The following POMC variants were observed in gnomAD, a reference collection of about 807,000 sequenced individuals.
POMC encodes proopiomelanocortin.
POMC carries 19 observed loss-of-function variants against 18.5 expected under a neutral mutation model. The observed-to-expected ratio is 1.03, with a 90% CI of 0.72 to 1.51. POMC has a LOEUF of 1.51. Ranked by LOEUF, POMC falls within the 40% of genes most tolerant of loss-of-function variation. The probability of loss-of-function intolerance (pLI) is 0.00; values close to 1 mark genes in which losing one functional copy is unlikely to be tolerated. For missense variants in POMC, 451 were observed against 379.0 expected, an observed-to-expected ratio of 1.19 and a Z score of -1.58; for synonymous variants, 179 against 161.9, an observed-to-expected ratio of 1.11 and a Z score of -0.80.
chr2:25,161,162 C>G lies in POMC; in HGVS notation c.723G>C (p.Met241Ile). The change falls in exon 3 of 3, where the codon ATG (methionine) becomes ATC (isoleucine). Residue 241 changes from methionine (M) to isoleucine (I), a missense_variant. Met to Ile is a conservative substitution (Grantham distance 10, BLOSUM62 1). Transcript: ENST00000395826. The surrounding 1 kb of genome is among the most constrained non-coding windows in gnomAD (Gnocchi z 5.7). ...GGGGCGTCTGGCTCTTCTCGGAGGT[C>G]ATGAAACCGCCGTAGCGCTTGTCCT... is the stretch of plus-strand genomic sequence containing the variant. ...PPKDKRYGGF[M>I]TSEKSQTPLV... 1 of 1,613,916 alleles carries G rather than the reference C, an allele frequency of 6.2e-7. No individual in the cohort carries two copies. Among genetic ancestry groups the G allele is most frequent in the Non-Finnish European group, 8.5e-7 (1 of 1,179,986 alleles).
Position 25,161,847 on chromosome 2 carries a change from G to C in POMC, c.133-95C>G. The C allele has an allele frequency of 6.8e-7, 1 of 1,460,298 alleles. No homozygotes were observed. Among genetic ancestry groups the C allele is most frequent in the Non-Finnish European group, 9.0e-7 (1 of 1,111,848 alleles). 90.5% of individuals were successfully genotyped at this position (1,460,298 alleles called of 1,614,324 possible). A position where few individuals can be genotyped will look rare whatever the true frequency, so the allele number is the denominator to read the frequency against. ...CTGCGCCTAGGCCCTGGCCGCCCTCGCCACGTGCCGAGGACACAGGGCACA... is the reference window on the plus strand; with the variant it reads ...CTGCGCCTAGGCCCTGGCCGCCCTCCCCACGTGCCGAGGACACAGGGCACA... On this transcript the variant is annotated intron_variant, in intron 2 of 2. Transcript: ENST00000395826. The surrounding 1 kb of genome is among the most constrained non-coding windows in gnomAD (Gnocchi z 5.7).
At chr2:25,164,368 C>T (rs950303618) in intron 2 of POMC, among the ~76,000 whole-genome samples, 10 of 152,122 alleles carry the variant, frequency 6.6e-5, no homozygotes, top group Non-Finnish European at 1.2e-4. Context: ...CCATCTCTAG[C>T]TTAAAGGGTT....
Position 25,161,752 on chromosome 2 carries a change from C to T in POMC, c.133G>A (p.Glu45Lys). The T allele has an allele frequency of 6.3e-7, 1 of 1,591,726 alleles. No homozygotes were observed. The highest frequency in any genetic ancestry group is 8.5e-7 in the Non-Finnish European group (1 of 1,170,396). Residue 45 changes from glutamate (E) to lysine (K), a missense_variant and splice_region_variant, in exon 3 of 3, where the codon GAG becomes AAG. By Grantham distance (56) the Glu-to-Lys change is moderately conservative. Transcript: ENST00000395826. This position sits in a 1 kb window ranked among gnomAD's most constrained non-coding sequence, Gnocchi z 5.7. The part of the protein sequence containing the change: ...QDLTTESNLL[E>K]CIRACKPDLS... Reference sequence around the variant, plus strand: ...TCGGGCTTGCAGGCCCGGATGCACTCCTGGGGGAAGACGCGAGGGCATGAG... The same window carrying T: ...TCGGGCTTGCAGGCCCGGATGCACTTCTGGGGGAAGACGCGAGGGCATGAG...
In POMC at chr2:25,168,096, G is replaced by A. The variant is rs1437323902; in HGVS notation, c.-21+402C>T. On this transcript the variant is annotated intron_variant, in intron 1 of 2. Coordinates refer to ENST00000395826, the MANE Select transcript of POMC (RefSeq NM_000939.4). This position sits in a 1 kb window ranked among gnomAD's most constrained non-coding sequence, Gnocchi z 5.2. ...TTGAACCCGGGAGGCGAAGGTTGCGGTGAGCAGAGATCACCCCTTTGCTCT... is the reference window on the plus strand; with the variant it reads ...TTGAACCCGGGAGGCGAAGGTTGCGATGAGCAGAGATCACCCCTTTGCTCT... Among the ~76,000 whole-genome samples, 3 of 151,400 alleles carry A rather than the reference G, an allele frequency of 2.0e-5. No homozygotes were observed. Among genetic ancestry groups the A allele is most frequent in the Non-Finnish European group, 2.9e-5 (2 of 67,958 alleles).
Position 25,164,748 on chromosome 2 carries a change from A to C in POMC, c.25T>G (p.Ser9Ala). Residue 9 changes from serine to alanine, a missense_variant, in exon 2 of 3, where the codon TCG becomes GCG. Physicochemically the swap from Ser to Ala is moderately conservative, Grantham distance 99. Coordinates refer to ENST00000395826, the MANE Select transcript of POMC (RefSeq NM_000939.4). Reference sequence around the variant, plus strand: ...AGCAAGGCCAGCAACAGGGCCCCCGAGCGGCTGCAGCACGATCTCGGCATC... The same window carrying C: ...AGCAAGGCCAGCAACAGGGCCCCCGCGCGGCTGCAGCACGATCTCGGCATC... The part of the protein sequence containing the change: MPRSCCSR[S>A]GALLLALLLQ... The C allele has an allele frequency of 6.2e-7, 1 of 1,614,038 alleles. No homozygotes were observed. Among genetic ancestry groups the C allele is most frequent in the Non-Finnish European group, 8.5e-7 (1 of 1,180,034 alleles).
At chr2:25,162,892 C>T (rs1019756524) in intron 2 of POMC, among the ~76,000 whole-genome samples, 32 of 152,272 alleles carry the variant, frequency 2.1e-4, no homozygotes, top group African/African-American at 7.2e-4. Flanking sequence ...CTGGGGCAAG[C>T]TTATTTCCCT....
At chr2:25,164,255 T>C (rs953355104) in intron 2 of POMC, among the ~76,000 whole-genome samples, 1 of 152,080 alleles carries the variant, frequency 6.6e-6, no homozygotes, top group African/African-American at 2.4e-5. Flanking sequence ...AAATATGGAA[T>C]GAAAATGGCA....
At chr2:25,164,822 C>A in intron 1 of POMC, 30 bp from the exon 2 acceptor site, 1 of 1,611,158 alleles carries the variant, frequency 6.2e-7, no homozygotes, top group East Asian at 2.2e-5. Flanking sequence ...TGGTGGGACC[C>A]CTGCAAGGAG....
chr2:25,165,805 C>T (rs1179490302), intron 1 of POMC: 1 of 152,314 alleles, frequency 6.6e-6, no homozygotes, highest in Non-Finnish European at 1.5e-5. Context: ...CCAAATTTCC[C>T]TTAACCAGGT....
chr2:25,167,243 G>A (rs1410466337), intron 1 of POMC, among the ~76,000 whole-genome samples: 2 of 152,218 alleles, frequency 1.3e-5, no homozygotes, highest in African/African-American at 2.4e-5. Context: ...TCATTAAAGT[G>A]GCCATAATCT....
chr2:25,161,740 C>G lies in POMC; in HGVS notation c.145G>C (p.Ala49Pro). The change falls in exon 3 of 3, where the codon GCC (alanine) becomes CCC (proline). Residue 49 changes from alanine to proline, a missense_variant. Transcript: ENST00000395826. The surrounding 1 kb of genome is among the most constrained non-coding windows in gnomAD (Gnocchi z 5.7). ...TESNLLECIR[A>P]CKPDLSAETP... ...TCGGCCGAGAGGTCGGGCTTGCAGG[C>G]CCGGATGCACTCCTGGGGGAAGACG... 1 of 1,594,160 alleles carries G rather than the reference C, an allele frequency of 6.3e-7. No individual in the cohort carries two copies. Among genetic ancestry groups the G allele is most frequent in the Non-Finnish European group, 8.5e-7 (1 of 1,171,528 alleles).
At chr2:25,165,045 A>T (rs1361604129) in intron 1 of POMC, among the ~76,000 whole-genome samples, 1 of 152,226 alleles carries the variant, frequency 6.6e-6, no homozygotes, top group Non-Finnish European at 1.5e-5. Context: ...ACCCCTAAAA[A>T]GGTTAAGGCT....
At position 25,168,023 on chromosome 2, in the gene POMC, G is replaced by A. The variant is rs1008310800; in HGVS notation, c.-21+475C>T. On this transcript the variant is annotated intron_variant, in intron 1 of 2. Coordinates refer to ENST00000395826, the MANE Select transcript of POMC (RefSeq NM_000939.4). This position sits in a 1 kb window ranked among gnomAD's most constrained non-coding sequence, Gnocchi z 5.2. ...ACAAAAATTAGCCGGGCGTGGTGGC[G>A]CATGCCTGTAATCCCAGCTACTCGG... Among the ~76,000 whole-genome samples, 18 of 152,124 alleles carry A rather than the reference G, an allele frequency of 1.2e-4. No individual in the cohort carries two copies. Among genetic ancestry groups the A allele is most frequent in the Non-Finnish European group, 2.4e-4 (16 of 68,006 alleles).
rs1671498215 is a variant in POMC, at chr2:25,164,738, AG to A, written c.34del (p.Leu12CysfsTer59). ...GGCCTGAAGCAGCAAGGCCAGCAAC[AG>A]GGCCCCCGAGCGGCTGCAGCACGAT... ...PRSCCSRSGALLLALLLQASM... is the reference protein window; with the variant it reads ...PRSCCSRSGAXLLALLLQASM... On this transcript the variant is annotated frameshift_variant, in exon 2 of 3. Transcript: ENST00000395826. LOFTEE classifies it high-confidence loss of function. 1 of 1,614,126 alleles carries A rather than the reference AG, an allele frequency of 6.2e-7. No homozygotes were observed.
chr2:25,165,330 T>C (rs1671518167), intron 1 of POMC, among the ~76,000 whole-genome samples: 1 of 152,240 alleles, frequency 6.6e-6, no homozygotes, highest in South Asian at 2.1e-4. Context: ...TCTGAAACTC[T>C]ATTTCCTATG....
chr2:25,165,251 C>T (rs573491828), intron 1 of POMC, among the ~76,000 whole-genome samples: 107 of 152,298 alleles, frequency 7.0e-4, no homozygotes, highest in African/African-American at 2.4e-3. Context: ...TTGGGAAAAA[C>T]GGAGGACCCT....
intron 1 of POMC, among the ~76,000 whole-genome samples, chr2:25,167,196 T>C (rs1671584673): frequency 6.6e-6 from 1 of 152,136 alleles, no homozygotes; most frequent in Admixed American, 6.5e-5. Context: ...CATACATGCA[T>C]CGAGTCCTAT....
Position 25,161,601 on chromosome 2 carries a change from C to T in POMC, c.284G>A (p.Ser95Asn), listed in dbSNP as rs531289142. ...CTTCTGCCCTGCGCCGCTGCTGCCG[C>T]TGCTGCTGCTGTTGCGGCGGCCGAA... ...DRFGRRNSSS[S>N]GSSGAGQKRE... The change falls in exon 3 of 3, where the codon AGC becomes AAC. Residue 95 changes from serine to asparagine, a missense_variant. Coordinates refer to ENST00000395826, the MANE Select transcript of POMC (RefSeq NM_000939.4). The surrounding 1 kb of genome is among the most constrained non-coding windows in gnomAD (Gnocchi z 5.7). The T allele has an allele frequency of 4.0e-5, 62 of 1,555,616 alleles. No homozygotes were observed. Among genetic ancestry groups the T allele is most frequent in the African/African-American group, 6.8e-5 (5 of 73,340 alleles).
intron 2 of POMC, 127 bp downstream of exon 2, chr2:25,164,514 G>T: frequency 2.0e-6 from 3 of 1,478,980 alleles, no homozygotes; most frequent in Non-Finnish European, 2.8e-6. Context: ...TTTTGCTCCT[G>T]CCCTGGATTG....
Sources: allele counts gnomAD v4.1 joint callset (sites outside exome capture counted in the v4.1 genomes callset), GRCh38; gene constraint gnomAD v4.1.1; non-coding constraint Gnocchi (gnomAD v3.1); transcripts MANE v1.5; gene names NCBI Gene and HGNC (gene_info 2026-07-23, HGNC 2026-07-21).